GLB1: variants seen among roughly 807,000 people sequenced by gnomAD.
The protein encoded by GLB1 is galactosidase beta 1, also known as beta-galactosidase.
GLB1 carries 56 observed loss-of-function variants against 74.0 expected under a neutral mutation model. The observed-to-expected ratio is 0.76, with a 90% CI of 0.61 to 0.94. The LOEUF (loss-of-function observed/expected upper bound fraction) is 0.94. Among genes scored for constraint, GLB1 ranks in the 40% least tolerant of loss-of-function variants. The probability of loss-of-function intolerance (pLI) is 0.00; values close to 1 mark genes in which losing one functional copy is unlikely to be tolerated. For synonymous variants in GLB1, 323 were observed against 323.6 expected (o/e 1.00, Z 0.02); for missense variants, 787 against 845.5 (o/e 0.93, Z 0.86).
the GLB1 span, among the ~76,000 whole-genome samples, chr3:32,971,894 C>G: frequency 1.8e-3 from 277 of 152,246 alleles, 1 homozygote; most frequent in African/African-American, 6.4e-3. Flanking sequence ...CAACTGCTGG[C>G]TAAATGGACA....
intron 15 of GLB1, among the ~76,000 whole-genome samples, chr3:33,004,173 T>G (rs1160784752): frequency 6.6e-6 from 1 of 152,232 alleles, no homozygotes. Context: ...CATTCTTTCT[T>G]TGAACCCTGC....
At chr3:33,032,895 A>G (rs1270746285) in intron 10 of GLB1, among the ~76,000 whole-genome samples, 1 of 152,196 alleles carries the variant, frequency 6.6e-6, no homozygotes, top group African/African-American at 2.4e-5. Flanking sequence ...ATATAATTTG[A>G]CCATAACAAG....
chr3:33,015,462 G>A (rs1697201927), intron 14 of GLB1, among the ~76,000 whole-genome samples: 1 of 152,196 alleles, frequency 6.6e-6, no homozygotes, highest in Non-Finnish European at 1.5e-5. Context: ...GGGCTGTCAA[G>A]GCTCAGCTAA....
chr3:32,962,276 A>G, the GLB1 span, among the ~76,000 whole-genome samples: 1 of 152,248 alleles, frequency 6.6e-6, no homozygotes, highest in Middle Eastern at 3.4e-3. Context: ...CTGGATCAGA[A>G]AAAGGACATT....
At chr3:32,962,741 T>C in the GLB1 span, among the ~76,000 whole-genome samples, 4 of 151,268 alleles carry the variant, frequency 2.6e-5, no homozygotes, top group African/African-American at 9.7e-5. Context: ...AAAATATATA[T>C]TATCTATACA....
intron 10 of GLB1, 22 bp from the exon 11 acceptor site, chr3:33,024,347 G>C: frequency 6.2e-7 from 1 of 1,602,932 alleles, no homozygotes; most frequent in Non-Finnish European, 8.5e-7. Flanking sequence ...AGTAGAAAAA[G>C]AGAGAAAAGA....
chr3:33,090,555 T>C (rs1308162901), intron 1 of GLB1: 13 of 985,268 alleles, frequency 1.3e-5, no homozygotes, highest in Non-Finnish European at 1.6e-5. Context: ...AAGAAACAAA[T>C]GAAATTGAAA....
At chr3:33,096,499 G>A (rs746608791) in intron 1 of GLB1, 952 of 985,172 alleles carry the variant, frequency 9.7e-4, no homozygotes, top group Non-Finnish European at 1.1e-3. Flanking sequence ...TGGTGAGAAA[G>A]GAACAAGATG....
At chr3:32,971,288 C>A in the GLB1 span, among the ~76,000 whole-genome samples, 9 of 152,170 alleles carry the variant, frequency 5.9e-5, no homozygotes, top group Non-Finnish European at 1.3e-4. Flanking sequence ...AGACAAGGAG[C>A]AGGCCTTGGA....
At chr3:33,041,920 G>A (rs1442589533) in intron 10 of GLB1, among the ~76,000 whole-genome samples, 1 of 152,050 alleles carries the variant, frequency 6.6e-6, no homozygotes, top group African/African-American at 2.4e-5. Context: ...TACTAGACAA[G>A]TCTAACTTTG....
At chr3:33,096,446 A>G in intron 1 of GLB1, 1 of 981,494 alleles carries the variant, frequency 1.0e-6, no homozygotes, top group Admixed American at 6.3e-5. Flanking sequence ...ACGGTCCCAC[A>G]AATACAAAGA....
At position 33,093,110 on chromosome 3, in the gene GLB1, GT is replaced by G; in HGVS notation, c.75+3900del. 6.2e-7 allele frequency: 1 copy of G among 1,614,224 alleles called. No individual in the cohort carries two copies. Among genetic ancestry groups the G allele is most frequent in the Non-Finnish European group, 8.5e-7 (1 of 1,180,040 alleles). On this transcript the variant is annotated intron_variant, in intron 1 of 15. Transcript: ENST00000307363. The surrounding 1 kb of genome is among the most constrained non-coding windows in gnomAD (Gnocchi z 6.0). Reference sequence around the variant, plus strand: ...GCTGGTGAGCTAGCAAGATGATTGTGTGGTCTGGGCTGCAGCCCTCCAGGGC... The same window carrying G: ...GCTGGTGAGCTAGCAAGATGATTGTGGGTCTGGGCTGCAGCCCTCCAGGGC...
chr3:33,059,117 GC>G (rs1239092420), intron 5 of GLB1, among the ~76,000 whole-genome samples: 1 of 152,240 alleles, frequency 6.6e-6, no homozygotes, highest in African/African-American at 2.4e-5. Context: ...GTGCAACATG[GC>G]AATAGTGCTG....
rs144761726 is a variant in GLB1 at position 33,009,935 on chromosome 3, T to C, written c.1734+4121A>G. On this transcript the variant is annotated intron_variant, in intron 15 of 15. Transcript: ENST00000307363. ...CCAATTCATCTGGATTGTGGCATGT[T>C]ATCAGTACTCCATTCCTTTTTATTG... Among the ~76,000 whole-genome samples the C allele has an allele frequency of 6.4e-4, 97 of 152,386 alleles. 1 individual carries two copies. The highest frequency in any genetic ancestry group is 1.9e-3 in the African/African-American group (77 of 41,590).
intron 5 of GLB1, chr3:33,061,772 C>T (rs1358742568): frequency 2.0e-5 from 3 of 152,196 alleles, no homozygotes; most frequent in Non-Finnish European, 4.4e-5. Flanking sequence ...TAATTATTTT[C>T]ACCTTGGATA....
chr3:33,016,897 G>A, intron 13 of GLB1, 57 bp from the exon 14 acceptor site: 1 of 1,603,898 alleles, frequency 6.2e-7, no homozygotes. Flanking sequence ...TCAGCAAGGA[G>A]AGGCAGCATG....
At chr3:32,990,408 T>C in the GLB1 span, among the ~76,000 whole-genome samples, 1 of 152,182 alleles carries the variant, frequency 6.6e-6, no homozygotes, top group Non-Finnish European at 1.5e-5. Context: ...ATCTGTGCGC[T>C]CCCTGAGGGG....
Position 33,093,803 on chromosome 3 carries a change from G to A in GLB1, c.75+3208C>T, listed in dbSNP as rs757240313. Reference sequence around the variant, plus strand: ...GCTCCATGCCGCTGAGGATGAAGAGGAAGAAGAGCATGATGATGTAAGCAC... The same window carrying A: ...GCTCCATGCCGCTGAGGATGAAGAGAAAGAAGAGCATGATGATGTAAGCAC... On this transcript the variant is annotated intron_variant, in intron 1 of 15. Transcript: ENST00000307363. The surrounding 1 kb of genome is among the most constrained non-coding windows in gnomAD (Gnocchi z 6.0). 5 of 1,613,548 alleles carry A rather than the reference G, an allele frequency of 3.1e-6. No individual in the cohort carries two copies. In the South Asian group the frequency reaches 4.4e-5, roughly 14 times the overall value.
At chr3:33,034,801 C>A in intron 10 of GLB1, 1 of 614,244 alleles carries the variant, frequency 1.6e-6, no homozygotes. Context: ...GCCAGCATAA[C>A]AAGCAGTGAC....
Sources: gnomAD v4.1 joint callset for allele counts (sites outside exome capture counted in the v4.1 genomes callset) on GRCh38, gnomAD v4.1.1 for gene constraint, Gnocchi (gnomAD v3.1) non-coding constraint, MANE v1.5 for transcripts, NCBI Gene and HGNC (gene_info 2026-07-23, HGNC 2026-07-21) for gene names.